HHAT: variants seen among roughly 807,000 people sequenced by gnomAD.
HHAT encodes hedgehog acyltransferase.
HHAT carries 47 observed loss-of-function variants against 70.8 expected under a neutral mutation model. That is an observed-to-expected ratio of 0.66 (90% CI 0.53 to 0.85). The LOEUF (loss-of-function observed/expected upper bound fraction) is 0.85. Ranked by LOEUF, HHAT falls within the 40% of genes least tolerant of loss-of-function variation. HHAT has a pLI of 0.00. For missense variants in HHAT, 609 were observed against 604.8 expected, an observed-to-expected ratio of 1.01 and a Z score of -0.07; for synonymous variants, 228 against 247.6, an observed-to-expected ratio of 0.92 and a Z score of 0.74.
chr1:210,564,300 G>C (rs547985821), intron 9 of HHAT, among the ~76,000 whole-genome samples: 7 of 152,230 alleles, frequency 4.6e-5, no homozygotes, highest in African/African-American at 1.7e-4. Flanking sequence ...GTCTCCTAGT[G>C]TGAGCACGTA....
At chr1:210,604,882 T>C (rs889256577) in intron 10 of HHAT, among the ~76,000 whole-genome samples, 8 of 152,168 alleles carry the variant, frequency 5.3e-5, no homozygotes, top group Admixed American at 4.6e-4. Flanking sequence ...CCTGTTGTGA[T>C]AGCATGTGCC....
intron 9 of HHAT, among the ~76,000 whole-genome samples, chr1:210,548,130 T>C (rs528456513): frequency 1.3e-5 from 2 of 152,318 alleles, no homozygotes; most frequent in South Asian, 2.1e-4. Context: ...CATTGTCTTA[T>C]GGAACATTTC....
intron 6 of HHAT, among the ~76,000 whole-genome samples, chr1:210,416,166 C>T (rs12738703): frequency 0.54 from 82,761 of 152,068 alleles, 22,625 homozygotes; most frequent in Admixed American, 0.61. Context: ...AATCCCCTGC[C>T]GTGTAGCTCT....
At chr1:210,477,717 A>T (rs969273005) in intron 8 of HHAT, among the ~76,000 whole-genome samples, 1 of 152,196 alleles carries the variant, frequency 6.6e-6, no homozygotes, top group African/African-American at 2.4e-5. Context: ...GGTATCCTAC[A>T]GGTGGCGCCT....
At chr1:210,473,746 C>A (rs1177052962) in intron 8 of HHAT, among the ~76,000 whole-genome samples, 1 of 152,202 alleles carries the variant, frequency 6.6e-6, no homozygotes, top group African/African-American at 2.4e-5. Flanking sequence ...CTGTCCTCTT[C>A]TTCTCTTCCT....
chr1:210,510,744 A>G (rs1339644924), intron 8 of HHAT, among the ~76,000 whole-genome samples: 1 of 152,214 alleles, frequency 6.6e-6, no homozygotes, highest in Non-Finnish European at 1.5e-5. Context: ...ACCAGCATGT[A>G]TATGTGAGCA....
rs558364465 is a variant in HHAT at position 210,387,492 on chromosome 1, T to A, written c.184T>A (p.Phe62Ile). The A allele has an allele frequency of 1.2e-5, 19 of 1,614,166 alleles. No homozygotes were observed. In the East Asian group the frequency reaches 3.1e-4, roughly 27 times the overall value. The change falls in exon 4 of 12, where the codon TTC (phenylalanine) becomes ATC (isoleucine). Residue 62 changes from phenylalanine (F) to isoleucine (I), a missense_variant. Phe to Ile is a conservative substitution (Grantham distance 21). Transcript: ENST00000261458. Reference sequence around the variant, plus strand: ...GGATGCGACCGACTTTGAGTGGAGCTTCTGGATGGAATGGGGGAAGCAGTG... The same window carrying A: ...GGATGCGACCGACTTTGAGTGGAGCATCTGGATGGAATGGGGGAAGCAGTG... Reference protein sequence around the residue: ...KKDATDFEWSFWMEWGKQWLV... With the variant: ...KKDATDFEWSIWMEWGKQWLV...
chr1:210,386,226 TTTTC>T (rs1215466340), intron 3 of HHAT, among the ~76,000 whole-genome samples: 2 of 102,730 alleles, frequency 1.9e-5, no homozygotes, highest in South Asian at 3.7e-4. Context: ...CCTTTTCTTT[TTTTC>T]TTTTTTTTTT....
intron 10 of HHAT, among the ~76,000 whole-genome samples, chr1:210,617,324 A>G (rs1667950853): frequency 6.6e-6 from 1 of 152,270 alleles, no homozygotes; most frequent in Non-Finnish European, 1.5e-5. Context: ...TTTGGATTTC[A>G]GTCTCTAAGC....
chr1:210,547,128 G>A (rs559295173), intron 9 of HHAT, among the ~76,000 whole-genome samples: 3 of 152,260 alleles, frequency 2.0e-5, no homozygotes, highest in South Asian at 2.1e-4. Context: ...TTAGGAGTTC[G>A]AGACCAGTCT....
At chr1:210,629,089 A>G (rs148065208) in intron 11 of HHAT, among the ~76,000 whole-genome samples, 15 of 152,292 alleles carry the variant, frequency 9.8e-5, no homozygotes, top group African/African-American at 3.6e-4. Context: ...ATCATACCTA[A>G]GGGTGATGAG....
intron 10 of HHAT, among the ~76,000 whole-genome samples, chr1:210,614,212 G>T (rs1364245773): frequency 6.6e-6 from 1 of 151,568 alleles, no homozygotes; most frequent in African/African-American, 2.4e-5. Flanking sequence ...TTCCTTTTCA[G>T]GTTGCTCATT....
intron 11 of HHAT, among the ~76,000 whole-genome samples, chr1:210,673,845 G>T (rs1042007102): frequency 3.6e-4 from 54 of 150,874 alleles, no homozygotes; most frequent in African/African-American, 1.3e-3. Flanking sequence ...ATGTTTCCCA[G>T]GCTGGTCTCC....
In HHAT at chr1:210,410,545, T is replaced by TTTA. The variant is rs869096443; in HGVS notation, c.684+5866_684+5867insTTA. On this transcript the variant is annotated intron_variant, in intron 6 of 11. Coordinates refer to ENST00000261458, the MANE Select transcript of HHAT (RefSeq NM_018194.6). ...TAAATTTTTTTTTTTTTTTTTTTTT[T>TTTA]AAGATAGAGTCTCACTCTTCACCCA... Among the ~76,000 whole-genome samples the TTTA allele has an allele frequency of 4.7e-5, 6 of 128,212 alleles. No individual in the cohort carries two copies. In the South Asian group the frequency reaches 1.4e-3, roughly 29 times the overall value. 84.1% of individuals were successfully genotyped at this position (128,212 alleles called of 152,430 possible).
chr1:210,340,286 G>A (rs2085927176), intron 1 of HHAT, among the ~76,000 whole-genome samples: 1 of 149,380 alleles, frequency 6.7e-6, no homozygotes, highest in African/African-American at 2.5e-5. Flanking sequence ...GTGGGGTTTG[G>A]AGAGAATTGT....
intron 11 of HHAT, among the ~76,000 whole-genome samples, chr1:210,647,618 C>G (rs984592648): frequency 6.6e-6 from 1 of 152,124 alleles, no homozygotes; most frequent in Non-Finnish European, 1.5e-5. Context: ...CACCCCTTAT[C>G]CTGATATCTC....
Position 210,387,541 on chromosome 1 carries a change from A to C in HHAT, c.233A>C (p.His78Pro). The change falls in exon 4 of 12, where the codon CAC (histidine) becomes CCC (proline). Residue 78 changes from histidine (H) to proline (P), a missense_variant. His to Pro is a moderately conservative substitution (Grantham distance 77, BLOSUM62 -2). Coordinates refer to ENST00000261458, the MANE Select transcript of HHAT (RefSeq NM_018194.6). ...KQWLVWLLLG[H>P]MVVSQMATLL... ...TGGCTGGTGTGGCTTCTCCTTGGCC[A>C]CATGGTAGTGTCTCAAATGGCCACA... The C allele has an allele frequency of 1.9e-6, 3 of 1,614,020 alleles. No individual in the cohort carries two copies. Among genetic ancestry groups the C allele is most frequent in the Non-Finnish European group, 2.5e-6 (3 of 1,179,958 alleles).
At chr1:210,554,971 C>T (rs1426699644) in intron 9 of HHAT, among the ~76,000 whole-genome samples, 1 of 152,080 alleles carries the variant, frequency 6.6e-6, no homozygotes, top group African/African-American at 2.4e-5. Flanking sequence ...AGGCTGCCCA[C>T]CAGATAAAGG....
chr1:210,520,639 G>A (rs1242056255), intron 9 of HHAT, among the ~76,000 whole-genome samples: 1 of 152,106 alleles, frequency 6.6e-6, no homozygotes, highest in Non-Finnish European at 1.5e-5. Context: ...AGGAGTACCT[G>A]ATACCATCCT....
Sources: gnomAD v4.1 joint callset for allele counts (sites outside exome capture counted in the v4.1 genomes callset) on GRCh38, gnomAD v4.1.1 for gene constraint, MANE v1.5 for transcripts, NCBI Gene and HGNC (gene_info 2026-07-23, HGNC 2026-07-21) for gene names.